DLGAP1: variants seen among roughly 807,000 people sequenced by gnomAD.
DLGAP1 encodes DLG associated protein 1.
A neutral mutation model predicts 90.8 loss-of-function variants in DLGAP1; 11 were observed. The observed-to-expected ratio is 0.12, with a 90% CI of 0.08 to 0.20. DLGAP1 has a LOEUF of 0.20. Among genes scored for constraint, DLGAP1 ranks in the 10% least tolerant of loss-of-function variants. The pLI is 1.00. For synonymous variants in DLGAP1, 558 were observed against 540.7 expected (o/e 1.03, Z -0.44); for missense variants, 1,050 against 1,333.8 (o/e 0.79, Z 3.31).
chr18:4,008,406 T>C (rs1294053720), intron 2 of DLGAP1, among the ~76,000 whole-genome samples: 2 of 152,152 alleles, frequency 1.3e-5, no homozygotes, highest in African/African-American at 4.8e-5. Flanking sequence ...TCGCAAGGTA[T>C]TTGTAGGCCA....
chr18:4,010,728 A>G (rs1449887575), intron 2 of DLGAP1, among the ~76,000 whole-genome samples: 1 of 152,126 alleles, frequency 6.6e-6, no homozygotes, highest in African/African-American at 2.4e-5. Context: ...CTATTCTCAT[A>G]AGAATGGAGG....
At position 3,729,379 on chromosome 18, in the gene DLGAP1, C is replaced by T. The variant is rs755095701; in HGVS notation, c.1351-4G>A. On this transcript the variant is annotated splice_region_variant and splice_polypyrimidine_tract_variant and intron_variant, in intron 6 of 12. Coordinates refer to ENST00000315677, the MANE Select transcript of DLGAP1 (RefSeq NM_004746.4). The surrounding 1 kb of genome is among the most constrained non-coding windows in gnomAD (Gnocchi z 6.2). The stretch of plus-strand genomic sequence containing the variant: ...CGTTCACTTCCATCTCGCTCACCTG[C>T]GGGCAGACACAGGCGTTGTGACACT... 3.1e-5 allele frequency: 50 copies of T among 1,608,152 alleles called. No individual in the cohort carries two copies. The highest frequency in any genetic ancestry group is 4.3e-5 in the Non-Finnish European group (50 of 1,175,534).
chr18:4,136,230 T>C (rs895750529), intron 2 of DLGAP1, among the ~76,000 whole-genome samples: 1 of 152,176 alleles, frequency 6.6e-6, no homozygotes, highest in Non-Finnish European at 1.5e-5. Flanking sequence ...CTCTTCAATA[T>C]ACTGATTTAT....
chr18:4,416,157 A>C (rs2082894587), intron 1 of DLGAP1, among the ~76,000 whole-genome samples: 1 of 152,216 alleles, frequency 6.6e-6, no homozygotes, highest in South Asian at 2.1e-4. Flanking sequence ...AAATTCAACA[A>C]AGATTCAGTG....
At chr18:4,272,726 A>C (rs1471708782) in intron 1 of DLGAP1, among the ~76,000 whole-genome samples, 3 of 152,244 alleles carry the variant, frequency 2.0e-5, no homozygotes, top group Non-Finnish European at 4.4e-5. Flanking sequence ...ATAGTGGCCT[A>C]CATTGTATGC....
chr18:3,531,643 C>T (rs1356164199), intron 10 of DLGAP1, among the ~76,000 whole-genome samples: 4 of 151,374 alleles, frequency 2.6e-5, no homozygotes, highest in East Asian at 2.0e-4. Flanking sequence ...TCTCCACACC[C>T]GACTAATTTT....
At chr18:3,601,019 T>C (rs963068459) in intron 7 of DLGAP1, among the ~76,000 whole-genome samples, 1 of 142,952 alleles carries the variant, frequency 7.0e-6, no homozygotes. Flanking sequence ...GATAGATATA[T>C]AGATATATAG....
At chr18:3,868,120 TA>T (rs2070518637) in intron 4 of DLGAP1, among the ~76,000 whole-genome samples, 1 of 152,146 alleles carries the variant, frequency 6.6e-6, no homozygotes, top group African/African-American at 2.4e-5. Flanking sequence ...CGTTTTTGAC[TA>T]AAAGTGTCTG....
chr18:3,580,042 G>T (rs1237955333), intron 8 of DLGAP1: 1 of 656,972 alleles, frequency 1.5e-6, no homozygotes, highest in Non-Finnish European at 2.7e-6. Flanking sequence ...ATGTGCGTTA[G>T]GAATTAAAAG....
intron 3 of DLGAP1, among the ~76,000 whole-genome samples, chr18:3,901,378 TG>T (rs1217204844): frequency 6.6e-6 from 1 of 152,184 alleles, no homozygotes; most frequent in Non-Finnish European, 1.5e-5. Flanking sequence ...TCTCCCACTG[TG>T]GGGTGACCAC....
intron 7 of DLGAP1, among the ~76,000 whole-genome samples, chr18:3,642,372 G>T (rs1030138158): frequency 6.6e-6 from 1 of 152,180 alleles, no homozygotes; most frequent in African/African-American, 2.4e-5. Context: ...AGATTTTGGA[G>T]CATTTTCGAT....
intron 1 of DLGAP1, among the ~76,000 whole-genome samples, chr18:4,309,022 C>T (rs2080333411): frequency 6.6e-6 from 1 of 152,128 alleles, no homozygotes; most frequent in Non-Finnish European, 1.5e-5. Flanking sequence ...ATATTTGATG[C>T]AGTATAAAAT....
At chr18:3,868,175 A>G (rs768383499) in intron 4 of DLGAP1, among the ~76,000 whole-genome samples, 9 of 152,192 alleles carry the variant, frequency 5.9e-5, no homozygotes, top group Admixed American at 2.6e-4. Flanking sequence ...GAGAACAGGA[A>G]ACGATCTAAA....
At chr18:3,893,470 T>C (rs1041984983) in intron 3 of DLGAP1, among the ~76,000 whole-genome samples, 1 of 151,736 alleles carries the variant, frequency 6.6e-6, no homozygotes, top group African/African-American at 2.4e-5. Context: ...TTCCAGCTAC[T>C]CAGGAGGCTG....
chr18:4,024,400 C>A (rs150183089), intron 2 of DLGAP1, among the ~76,000 whole-genome samples: 1 of 152,312 alleles, frequency 6.6e-6, no homozygotes, highest in Non-Finnish European at 1.5e-5. Flanking sequence ...TGGGAAGAAC[C>A]CCATGTTCCT....
chr18:4,130,725 G>T (rs1215324671), intron 2 of DLGAP1, among the ~76,000 whole-genome samples: 1 of 152,106 alleles, frequency 6.6e-6, no homozygotes, highest in South Asian at 2.1e-4. Context: ...TGCGACTAAT[G>T]TCAGGGTCAT....
At chr18:3,713,038 C>G (rs1381691670) in intron 7 of DLGAP1, among the ~76,000 whole-genome samples, 3 of 152,178 alleles carry the variant, frequency 2.0e-5, no homozygotes, top group Admixed American at 2.0e-4. Context: ...TCTTTTCAAT[C>G]AATCCTCATC....
In DLGAP1 at chr18:3,711,627, C is replaced by G. The variant is rs2061599634; in HGVS notation, c.1591+17508G>C. On this transcript the variant is annotated intron_variant, in intron 7 of 12. Transcript: ENST00000315677. The surrounding 1 kb of genome is among the most constrained non-coding windows in gnomAD (Gnocchi z 4.0). ...GCTGAGGCAGGAGGATCACTTGAGC[C>G]CAGGAGTCTGAGACCAGCCTGGGCA... Among the ~76,000 whole-genome samples, 1 of 152,014 alleles carries G rather than the reference C, an allele frequency of 6.6e-6. No individual in the cohort carries two copies. The highest frequency in any genetic ancestry group is 2.4e-5 in the African/African-American group (1 of 41,378).
At chr18:4,079,957 C>T (rs1231433956) in intron 2 of DLGAP1, among the ~76,000 whole-genome samples, 1 of 152,070 alleles carries the variant, frequency 6.6e-6, no homozygotes, top group Admixed American at 6.6e-5. Context: ...TCATCTATTC[C>T]CACATGATTA....
Sources: allele counts gnomAD v4.1 joint callset (sites outside exome capture counted in the v4.1 genomes callset), GRCh38; gene constraint gnomAD v4.1.1; non-coding constraint Gnocchi (gnomAD v3.1); transcripts MANE v1.5; gene names NCBI Gene and HGNC (gene_info 2026-07-23, HGNC 2026-07-21).